Variants in ZNF618 observed in about 807,000 individuals in gnomAD.
ZNF618 encodes the protein neural precursor cell expressed, developmentally down-regulated 10.
A neutral mutation model predicts 103.0 loss-of-function variants in ZNF618; 34 were observed. The ratio of observed to expected loss-of-function variants is 0.33; its 90% CI spans 0.25 to 0.44. The LOEUF is 0.44. Among genes scored for constraint, ZNF618 ranks in the 20% least tolerant of loss-of-function variants. The pLI, the probability that ZNF618 is intolerant of heterozygous loss-of-function variation, is 1.00. For missense variants in ZNF618, 1,059 were observed against 1,295.4 expected (o/e 0.82, Z 2.80); for synonymous variants, 551 against 542.2 (o/e 1.02, Z -0.23).
intron 1 of ZNF618, among the ~76,000 whole-genome samples, chr9:113,929,005 G>T (rs1307275433): frequency 1.3e-5 from 2 of 152,076 alleles, no homozygotes; most frequent in Non-Finnish European, 2.9e-5. Flanking sequence ...CTTTGCTCTG[G>T]AGAACAGCAC....
At position 114,002,007 on chromosome 9, in the gene ZNF618, T is replaced by C; in HGVS notation, c.445T>C (p.Cys149Arg). 6.2e-7 allele frequency: 1 copy of C among 1,613,938 alleles called. No homozygotes were observed. The highest frequency in any genetic ancestry group is 8.5e-7 in the Non-Finnish European group (1 of 1,179,832). ...CTTCTGTTTTCCAGGGTCTTACGAA[T>C]GCGGAATCTGTGGCAAGAAGTACAA... ...ALRYASGSYE[C>R]GICGKKYKYY... The change falls in exon 5 of 15, where the codon TGC (cysteine) becomes CGC (arginine). Residue 149 changes from cysteine to arginine, a missense_variant. This residue lies in a region of ZNF618 where 194 missense variants were observed against 209.0 expected (regional missense o/e 0.93). Transcript: ENST00000374126.
chr9:113,891,753 A>G (rs1321591540), intron 1 of ZNF618, among the ~76,000 whole-genome samples: 3 of 152,232 alleles, frequency 2.0e-5, no homozygotes, highest in African/African-American at 7.2e-5. Flanking sequence ...TGATGTATTC[A>G]GCCTTCATTT....
intron 1 of ZNF618, among the ~76,000 whole-genome samples, chr9:113,936,948 T>G (rs1422055878): frequency 6.6e-6 from 1 of 152,218 alleles, no homozygotes; most frequent in Non-Finnish European, 1.5e-5. Context: ...ATTTTCTTTA[T>G]AAAACTTGAT....
chr9:114,005,139 A>G (rs1287151366), intron 6 of ZNF618, among the ~76,000 whole-genome samples: 1 of 152,214 alleles, frequency 6.6e-6, no homozygotes, highest in Non-Finnish European at 1.5e-5. Context: ...ACCGAGGTGC[A>G]GAGGTTAGGC....
At chr9:113,927,364 G>C (rs1350940635) in intron 1 of ZNF618, among the ~76,000 whole-genome samples, 1 of 152,176 alleles carries the variant, frequency 6.6e-6, no homozygotes, top group Non-Finnish European at 1.5e-5. Flanking sequence ...TGTCTCACCT[G>C]TTGTCTTTGG....
intron 4 of ZNF618, 96 bp downstream of exon 4, chr9:113,998,450 C>A: frequency 8.9e-7 from 1 of 1,128,464 alleles, no homozygotes. Flanking sequence ...AGTAAGCAGG[C>A]CCCTGTTAGC....
At position 114,032,748 on chromosome 9, in the gene ZNF618, G is replaced by A. The variant is rs936943193; in HGVS notation, c.1168+20G>A. On this transcript the variant is annotated intron_variant, in intron 12 of 14. Transcript: ENST00000374126. ...CCAGCGGTGAGTGTGCCCCTTGACA[G>A]CCATCCTGTGCGGTAGCTGCCAGCT... 3.9e-5 allele frequency: 63 copies of A among 1,611,582 alleles called. No individual in the cohort carries two copies. The highest frequency in any genetic ancestry group is 5.3e-5 in the Non-Finnish European group (62 of 1,177,824).
rs1301406003 is a variant in ZNF618 at position 114,054,928 on chromosome 9, T to C, written c.*4761T>C. ...CACTGTTTGACATATTCATGCCCCG[T>C]CCCTTCCCCCCCCACCCCCCCGCCC... On this transcript the variant is annotated 3_prime_UTR_variant, in exon 15 of 15. Transcript: ENST00000374126. The C allele has an allele frequency of 1.7e-4, 22 of 133,202 alleles. No homozygotes were observed. The highest frequency in any genetic ancestry group is 5.0e-4 in the African/African-American group (18 of 35,936). 8.3% of individuals were successfully genotyped at this position (133,202 alleles called of 1,614,324 possible).
chr9:113,928,494 G>A (rs1001356092), intron 1 of ZNF618, among the ~76,000 whole-genome samples: 1 of 152,134 alleles, frequency 6.6e-6, no homozygotes, highest in Non-Finnish European at 1.5e-5. Flanking sequence ...TTTGTTGAAA[G>A]CCAGACCTGA....
intron 7 of ZNF618, among the ~76,000 whole-genome samples, 176 bp from the exon 8 acceptor site, chr9:114,008,168 G>C (rs546703991): frequency 2.6e-5 from 4 of 152,232 alleles, no homozygotes; most frequent in Non-Finnish European, 5.9e-5. Flanking sequence ...ATGTATCCTC[G>C]TGTTGTCCTG....
chr9:114,008,609 C>A, intron 9 of ZNF618, 55 bp downstream of exon 9: 3 of 1,599,146 alleles, frequency 1.9e-6, no homozygotes, highest in South Asian at 2.2e-5. Flanking sequence ...CCAAGGGAGG[C>A]AGGGCTCAGT....
chr9:114,012,823 C>T (rs1267141616), intron 9 of ZNF618, among the ~76,000 whole-genome samples: 4 of 152,026 alleles, frequency 2.6e-5, no homozygotes, highest in African/African-American at 9.7e-5. Flanking sequence ...GTTATAGTAC[C>T]AGTGGCCAGA....
At chr9:113,895,303 T>A (rs1175574712) in intron 1 of ZNF618, among the ~76,000 whole-genome samples, 1 of 152,146 alleles carries the variant, frequency 6.6e-6, no homozygotes, top group Admixed American at 6.5e-5. Flanking sequence ...AACAAATGCC[T>A]TTTTATTATG....
chr9:113,978,900 C>T (rs1483737011), intron 2 of ZNF618, among the ~76,000 whole-genome samples: 1 of 152,176 alleles, frequency 6.6e-6, no homozygotes, highest in Non-Finnish European at 1.5e-5. Flanking sequence ...ATGTCATAAG[C>T]ACTCATTACA....
chr9:113,887,306 A>G (rs559579614), intron 1 of ZNF618, among the ~76,000 whole-genome samples: 15 of 152,300 alleles, frequency 9.8e-5, no homozygotes, highest in Admixed American at 9.2e-4. Context: ...TAATTCAGGG[A>G]AAAAATTATG....
At chr9:113,922,930 T>A (rs1358701283) in intron 1 of ZNF618, among the ~76,000 whole-genome samples, 3 of 152,366 alleles carry the variant, frequency 2.0e-5, no homozygotes, top group Middle Eastern at 3.4e-3. Context: ...CTTCCCTCCA[T>A]GAACATGGAA....
At chr9:113,984,953 G>A (rs1382979451) in intron 2 of ZNF618, among the ~76,000 whole-genome samples, 1 of 152,162 alleles carries the variant, frequency 6.6e-6, no homozygotes, top group Non-Finnish European at 1.5e-5. Context: ...AACCCTGGTT[G>A]GTCTAACTCC....
intron 1 of ZNF618, among the ~76,000 whole-genome samples, chr9:113,912,118 C>T (rs750314613): frequency 2.0e-5 from 3 of 152,140 alleles, no homozygotes; most frequent in Non-Finnish European, 4.4e-5. Flanking sequence ...CTTTGTGTGG[C>T]AGGAGCCAGC....
chr9:113,912,120 G>A (rs1042055960), intron 1 of ZNF618, among the ~76,000 whole-genome samples: 3 of 152,192 alleles, frequency 2.0e-5, no homozygotes, highest in Admixed American at 1.3e-4. Flanking sequence ...TTGTGTGGCA[G>A]GAGCCAGCCT....
Sources: allele counts gnomAD v4.1 joint callset (sites outside exome capture counted in the v4.1 genomes callset), GRCh38; gene constraint gnomAD v4.1.1; regional missense constraint gnomAD v4.1.1; transcripts MANE v1.5; gene names NCBI Gene and HGNC (gene_info 2026-07-23, HGNC 2026-07-21).